Variants in KCNIP4 observed in about 807,000 individuals in gnomAD.
The protein encoded by KCNIP4 is potassium voltage-gated channel interacting protein 4.
In KCNIP4, 12 loss-of-function variants were observed where a neutral mutation model predicts 34.0. The observed-to-expected ratio is 0.35, with a 90% CI of 0.23 to 0.57. The LOEUF (loss-of-function observed/expected upper bound fraction) is 0.57, where lower values mean the gene tolerates loss of function less well. KCNIP4 is among the 20% of genes least tolerant of loss of function. The pLI, the probability that KCNIP4 is intolerant of heterozygous loss-of-function variation, is 0.83. For missense variants in KCNIP4, 238 were observed against 311.7 expected (o/e 0.76, Z 1.78); for synonymous variants, 124 against 102.2 (o/e 1.21, Z -1.29).
intron 3 of KCNIP4, among the ~76,000 whole-genome samples, chr4:20,827,808 C>CA (rs11295104): frequency 0.13 from 18,770 of 142,362 alleles, 1,624 homozygotes; most frequent in East Asian, 0.26. Flanking sequence ...CCATCCCCCT[C>CA]AAAAAAAAAA....
chr4:21,856,578 G>A (rs972004693), intron 1 of KCNIP4, among the ~76,000 whole-genome samples: 6 of 152,176 alleles, frequency 3.9e-5, no homozygotes, highest in Non-Finnish European at 8.8e-5. Flanking sequence ...GCACCCAGCT[G>A]TGGCTGCAGA....
At chr4:21,513,524 A>G (rs1734504867) in intron 1 of KCNIP4, among the ~76,000 whole-genome samples, 1 of 152,188 alleles carries the variant, frequency 6.6e-6, no homozygotes, top group South Asian at 2.1e-4. Context: ...ATGGGTTTGA[A>G]TCCTAGATCT....
intron 1 of KCNIP4, among the ~76,000 whole-genome samples, chr4:20,936,439 C>T (rs1297450613): frequency 1.3e-5 from 2 of 151,910 alleles, no homozygotes; most frequent in African/African-American, 2.4e-5. Flanking sequence ...AATAAGGCCC[C>T]GTCCTAAAGA....
At chr4:21,403,689 G>A (rs893204378) in intron 1 of KCNIP4, among the ~76,000 whole-genome samples, 1 of 152,050 alleles carries the variant, frequency 6.6e-6, no homozygotes, top group Non-Finnish European at 1.5e-5. Flanking sequence ...ATAAATAATA[G>A]ACAATTATTT....
chr4:21,905,699 T>C (rs1020323101), intron 1 of KCNIP4, among the ~76,000 whole-genome samples: 1 of 152,150 alleles, frequency 6.6e-6, no homozygotes, highest in Non-Finnish European at 1.5e-5. Context: ...AAATCTACCA[T>C]GTGACCAGCA....
chr4:21,348,291 A>G (rs927529244), intron 1 of KCNIP4, among the ~76,000 whole-genome samples: 3 of 152,202 alleles, frequency 2.0e-5, no homozygotes, highest in South Asian at 2.1e-4. Flanking sequence ...TGTTTTTCTC[A>G]GTAGACTTGT....
chr4:21,672,553 C>A (rs1011464347), intron 1 of KCNIP4, among the ~76,000 whole-genome samples: 1 of 152,152 alleles, frequency 6.6e-6, no homozygotes, highest in Non-Finnish European at 1.5e-5. Flanking sequence ...TGTGTTTTTA[C>A]ATATTTTTCA....
At chr4:21,714,786 A>ACCT (rs778595133) in intron 1 of KCNIP4, among the ~76,000 whole-genome samples, 3 of 46,238 alleles carry the variant, frequency 6.5e-5, no homozygotes, top group East Asian at 1.7e-3. Context: ...TTTCCCTTTG[A>ACCT]TTATTTTATT....
intron 1 of KCNIP4, among the ~76,000 whole-genome samples, chr4:20,990,064 A>T (rs552814161): frequency 6.6e-6 from 1 of 152,214 alleles, no homozygotes; most frequent in Non-Finnish European, 1.5e-5. Context: ...TTGGTGAAAG[A>T]TGCCACTTAA....
intron 1 of KCNIP4, among the ~76,000 whole-genome samples, chr4:21,130,740 T>C (rs1019854626): frequency 6.6e-6 from 1 of 152,226 alleles, no homozygotes; most frequent in African/African-American, 2.4e-5. Context: ...CTATGTTGAC[T>C]GCAATTAGAT....
chr4:20,851,042 T>A (rs563185533), intron 2 of KCNIP4, among the ~76,000 whole-genome samples: 1 of 152,180 alleles, frequency 6.6e-6, no homozygotes, highest in African/African-American at 2.4e-5. Flanking sequence ...ATTTCTTTTT[T>A]CCCCAACGTT....
intron 1 of KCNIP4, among the ~76,000 whole-genome samples, chr4:21,134,810 C>T (rs1376402145): frequency 6.6e-6 from 1 of 152,112 alleles, no homozygotes; most frequent in East Asian, 1.9e-4. Flanking sequence ...TGTCTTTTAC[C>T]TTAGAAAGCC....
intron 1 of KCNIP4, among the ~76,000 whole-genome samples, chr4:21,023,590 A>G (rs1201747281): frequency 1.3e-5 from 2 of 152,192 alleles, no homozygotes; most frequent in Non-Finnish European, 2.9e-5. Flanking sequence ...TATTTAAACC[A>G]TTAGGAAAAT....
intron 1 of KCNIP4, among the ~76,000 whole-genome samples, chr4:21,601,960 G>A (rs1189066889): frequency 5.9e-5 from 9 of 152,046 alleles, no homozygotes; most frequent in South Asian, 2.1e-4. Flanking sequence ...TTTTCTTCAC[G>A]CCATTTCTCA....
intron 1 of KCNIP4, among the ~76,000 whole-genome samples, chr4:21,223,782 G>A (rs1000942260): frequency 1.3e-5 from 2 of 152,176 alleles, no homozygotes; most frequent in African/African-American, 2.4e-5. Context: ...TGAATAGGGT[G>A]TGTGTGAGTG....
intron 1 of KCNIP4, among the ~76,000 whole-genome samples, chr4:20,999,438 GTTT>G (rs56952036): frequency 4.4e-5 from 2 of 45,530 alleles, no homozygotes; most frequent in African/African-American, 9.2e-5. Context: ...TTTGTTTTTT[GTTT>G]TTTTTTTTTT....
chr4:21,198,640 T>C (rs936501238), intron 1 of KCNIP4, among the ~76,000 whole-genome samples: 4 of 152,202 alleles, frequency 2.6e-5, no homozygotes, highest in Admixed American at 6.5e-5. Flanking sequence ...TACCAAGAGA[T>C]AGAGTCCTCA....
chr4:21,825,403 A>G (rs1722617360), intron 1 of KCNIP4, among the ~76,000 whole-genome samples: 1 of 152,164 alleles, frequency 6.6e-6, no homozygotes, highest in Non-Finnish European at 1.5e-5. Flanking sequence ...CATCATTTTT[A>G]TTCCCAACAA....
chr4:21,251,672 C>G (rs1226922502), intron 1 of KCNIP4, among the ~76,000 whole-genome samples: 4 of 152,088 alleles, frequency 2.6e-5, no homozygotes, highest in African/African-American at 4.8e-5. Context: ...CCATGGAATA[C>G]TACGCAGCCA....
Sources: gnomAD v4.1 joint callset for allele counts (sites outside exome capture counted in the v4.1 genomes callset) on GRCh38, gnomAD v4.1.1 for gene constraint, MANE v1.5 for transcripts, NCBI Gene and HGNC (gene_info 2026-07-23, HGNC 2026-07-21) for gene names.